Variants in BPNT2 observed in about 807,000 individuals in gnomAD.
The protein encoded by BPNT2 is 3'(2'), 5'-bisphosphate nucleotidase 2.
Under a neutral mutation model 29.3 loss-of-function variants are expected in BPNT2, and 11 were observed. That is an observed-to-expected ratio of 0.38 (90% CI 0.24 to 0.62). The LOEUF (loss-of-function observed/expected upper bound fraction) is 0.62. BPNT2 is among the 20% of genes least tolerant of loss of function. The pLI is 0.62. For synonymous variants in BPNT2, 195 were observed against 187.7 expected, an observed-to-expected ratio of 1.04 and a Z score of -0.32; for missense variants, 459 against 473.4, an observed-to-expected ratio of 0.97 and a Z score of 0.28.
chr8:56,963,990 A>G lies in BPNT2; in HGVS notation c.883T>C (p.Tyr295His). 6.2e-7 allele frequency: 1 copy of G among 1,612,864 alleles called. No individual in the cohort carries two copies. Among genetic ancestry groups the G allele is most frequent in the Non-Finnish European group, 8.5e-7 (1 of 1,179,226 alleles). Residue 295 changes from tyrosine to histidine, a missense_variant, in exon 5 of 5, where the codon TAC (tyrosine) becomes CAC (histidine). Physicochemically the swap from Tyr to His is moderately conservative, Grantham distance 83. Transcript: ENST00000262644. ...EKADLYIHVT[Y>H]IKKWDICAGN... ...GCACATATATCCCACTTTTTGATGT[A>G]TGTCACATGGATGTATAAATCAGCT...
At chr8:56,988,380 A>G (rs909330800) in intron 1 of BPNT2, among the ~76,000 whole-genome samples, 2 of 152,222 alleles carry the variant, frequency 1.3e-5, no homozygotes, top group African/African-American at 4.8e-5. Context: ...AATTTAGGCT[A>G]GTCACCTAAA....
At chr8:56,967,295 C>T (rs898843704) in intron 3 of BPNT2, 11 of 455,256 alleles carry the variant, frequency 2.4e-5, no homozygotes, top group African/African-American at 2.2e-4. Context: ...GTCTCCTGGA[C>T]TCTTCTCATA....
chr8:56,981,589 TA>T (rs1202123280), intron 1 of BPNT2, among the ~76,000 whole-genome samples: 3 of 151,886 alleles, frequency 2.0e-5, no homozygotes, highest in Admixed American at 6.6e-5. Flanking sequence ...TAAATAATAA[TA>T]AAAAAATGTT....
rs150763768 is a variant in BPNT2, at chr8:56,963,543, T to C, written c.*250A>G. 2.1e-6 allele frequency: 1 copy of C among 482,854 alleles called. No individual in the cohort carries two copies. Among genetic ancestry groups the C allele is most frequent in the Non-Finnish European group, 3.7e-6 (1 of 270,244 alleles). The allele number at this position is 482,854 out of a possible 1,614,324, so 29.9% of individuals were successfully genotyped here. On this transcript the variant is annotated 3_prime_UTR_variant, in exon 5 of 5. Coordinates refer to ENST00000262644, the MANE Select transcript of BPNT2 (RefSeq NM_017813.5). ...AGATTTTAATTCACAAATATATATA[T>C]GCGCCTTGTGTATGACAACTGTATG...
At chr8:56,986,077 T>C (rs993227069) in intron 1 of BPNT2, among the ~76,000 whole-genome samples, 19 of 152,202 alleles carry the variant, frequency 1.2e-4, no homozygotes, top group Non-Finnish European at 1.9e-4. Flanking sequence ...AATTGGAGGA[T>C]GTCGTTACTA....
At chr8:56,968,215 C>G (rs1006590070) in intron 3 of BPNT2, among the ~76,000 whole-genome samples, 3 of 151,646 alleles carry the variant, frequency 2.0e-5, no homozygotes, top group Non-Finnish European at 4.4e-5. Context: ...TCATATAACA[C>G]AGAAAAGAAA....
chr8:56,993,076 T>A (rs1224419182), intron 1 of BPNT2, 123 bp downstream of exon 1: 1 of 1,521,774 alleles, frequency 6.6e-7, no homozygotes, highest in Non-Finnish European at 8.8e-7. Context: ...CACGTTAACT[T>A]CTGCGTCTCA....
At chr8:56,985,604 G>T (rs1806315773) in intron 1 of BPNT2, among the ~76,000 whole-genome samples, 1 of 152,160 alleles carries the variant, frequency 6.6e-6, no homozygotes, top group African/African-American at 2.4e-5. Context: ...ACTGATCTTG[G>T]TCTATGCTGA....
At chr8:56,972,432 G>GA (rs1280958693) in intron 3 of BPNT2, among the ~76,000 whole-genome samples, 2 of 150,240 alleles carry the variant, frequency 1.3e-5, no homozygotes, top group Admixed American at 6.6e-5. Flanking sequence ...AATAATTGTG[G>GA]GAAAAAAAAA....
At chr8:56,979,966 G>A (rs1806212595) in intron 2 of BPNT2, 69 bp downstream of exon 2, 2 of 1,422,246 alleles carry the variant, frequency 1.4e-6, no homozygotes, top group Non-Finnish European at 2.0e-6. Context: ...CCTATAGGAA[G>A]TATGCCTTGG....
Position 56,963,862 on chromosome 8 carries a change from AGC to A in BPNT2, c.1009_1010del (p.Ala337Ter), listed in dbSNP as rs779233560. 1.9e-6 allele frequency: 3 copies of A among 1,614,032 alleles called. No individual in the cohort carries two copies. The highest frequency in any genetic ancestry group is 2.5e-6 in the Non-Finnish European group (3 of 1,180,032). ...GSDGIEGGLL[A>X]SIRMNHQALV... ...GGGCCTGGTGGTTCATTCTGATGCT[AGC>A]AAGGAGTCCCCCTTCAATGCCGTCT... On this transcript the variant is annotated frameshift_variant, in exon 5 of 5. Coordinates refer to ENST00000262644, the MANE Select transcript of BPNT2 (RefSeq NM_017813.5). LOFTEE classifies it high-confidence loss of function.
At chr8:56,971,783 C>CG (rs1554539109) in intron 3 of BPNT2, among the ~76,000 whole-genome samples, 1 of 8,672 alleles carries the variant, frequency 1.2e-4, no homozygotes, top group Non-Finnish European at 2.2e-4. Context: ...TTTTGTACCA[C>CG]CCCCCCCCCC....
intron 3 of BPNT2, chr8:56,967,206 A>T (rs1805966732): frequency 2.2e-6 from 1 of 456,200 alleles, no homozygotes; most frequent in Non-Finnish European, 4.4e-6. Context: ...CTGCATCACC[A>T]GCTTATTTCT....
rs74627294 is a variant in BPNT2, at chr8:56,964,123, C to G, written c.809-59G>C. On this transcript the variant is annotated intron_variant, in intron 4 of 4. Transcript: ENST00000262644. ...CAAAAAATTTTAAGAAAGTAGCATA[C>G]TTTTTTGATTAAGTATCCTGTTAAA... The G allele has an allele frequency of 2.8e-5, 36 of 1,276,960 alleles. No homozygotes were observed. The East Asian group carries it at 9.1e-4, about 32-fold the overall frequency. The allele number at this position is 1,276,960 out of a possible 1,614,324, so 79.1% of individuals were successfully genotyped here. A position where few individuals can be genotyped will look rare whatever the true frequency, so the allele number is the denominator to read the frequency against.
rs1019368210 is a variant in BPNT2 at position 56,960,822 on chromosome 8, T to C, written c.*2971A>G. The C allele has an allele frequency of 6.6e-6, 1 of 152,228 alleles. No individual in the cohort carries two copies. Among genetic ancestry groups the C allele is most frequent in the Non-Finnish European group, 1.5e-5 (1 of 68,038 alleles). The allele number at this position is 152,228 out of a possible 1,614,324, so 9.4% of individuals were successfully genotyped here. On this transcript the variant is annotated 3_prime_UTR_variant, in exon 5 of 5. Transcript: ENST00000262644. The stretch of plus-strand genomic sequence containing the variant: ...AAGGGTTGTGGTTTTGAAGGTGATT[T>C]TCCTTTACTTTGTGAGGAGTCTTTG...
chr8:56,991,388 C>T lies in BPNT2; in HGVS notation c.387+1811G>A, dbSNP rs1335015238. Among the ~76,000 whole-genome samples, 7 of 152,238 alleles carry T rather than the reference C, an allele frequency of 4.6e-5. No homozygotes were observed. In the East Asian group the frequency reaches 1.3e-3, roughly 29 times the overall value. ...TGTTAATAAAATGCAGCTCACTGCC[C>T]TTGGCAGCCATTCCCTTATTGTTTG... On this transcript the variant is annotated intron_variant, in intron 1 of 4. Transcript: ENST00000262644.
In BPNT2 at chr8:56,960,232, G is replaced by C. The variant is rs1030712787; in HGVS notation, c.*3561C>G. 1 of 152,158 alleles carries C rather than the reference G, an allele frequency of 6.6e-6. No homozygotes were observed. Among genetic ancestry groups the C allele is most frequent in the Non-Finnish European group, 1.5e-5 (1 of 68,030 alleles). 9.4% of individuals were successfully genotyped at this position (152,158 alleles called of 1,614,324 possible). ...TTTCTTTACTTATGCTCAGCTATCAGAGATGGCTGTCACCTTCAAAGCCTA... is the reference window on the plus strand; with the variant it reads ...TTTCTTTACTTATGCTCAGCTATCACAGATGGCTGTCACCTTCAAAGCCTA... On this transcript the variant is annotated 3_prime_UTR_variant, in exon 5 of 5. Transcript: ENST00000262644.
At chr8:56,980,819 TAC>T (rs71258552) in intron 1 of BPNT2, among the ~76,000 whole-genome samples, 5,439 of 141,426 alleles carry the variant, frequency 0.038, 157 homozygotes, top group African/African-American at 0.071. Flanking sequence ...TACATACATA[TAC>T]ACACACACAC....
intron 4 of BPNT2, 149 bp from the exon 5 acceptor site, chr8:56,964,213 T>C: frequency 1.7e-6 from 1 of 587,484 alleles, no homozygotes; most frequent in Non-Finnish European, 3.0e-6. Context: ...TAAAATTATT[T>C]CAAATTAAAA....
Sources: allele counts gnomAD v4.1 joint callset (sites outside exome capture counted in the v4.1 genomes callset), GRCh38; gene constraint gnomAD v4.1.1; transcripts MANE v1.5; gene names NCBI Gene and HGNC (gene_info 2026-07-23, HGNC 2026-07-21).